The following RIMS1 variants were observed in gnomAD, a reference collection of about 807,000 sequenced individuals.
RIMS1 encodes regulating synaptic membrane exocytosis 1.
RIMS1 carries 83 observed loss-of-function variants against 214.1 expected under a neutral mutation model. The observed-to-expected ratio is 0.39, with a 90% CI of 0.32 to 0.47. The LOEUF (loss-of-function observed/expected upper bound fraction) is 0.47. RIMS1 is among the 20% of genes least tolerant of loss of function. The pLI, the probability that RIMS1 is intolerant of heterozygous loss-of-function variation, is 0.99. For synonymous variants in RIMS1, 793 were observed against 786.8 expected, an observed-to-expected ratio of 1.01 and a Z score of -0.13; for missense variants, 2,050 against 2,161.8, an observed-to-expected ratio of 0.95 and a Z score of 1.03.
chr6:72,202,994 T>C (rs1294251984), intron 6 of RIMS1, among the ~76,000 whole-genome samples: 1 of 152,156 alleles, frequency 6.6e-6, no homozygotes, highest in Non-Finnish European at 1.5e-5. Context: ...TCTTTTTTTA[T>C]TTTTTATTTT....
At position 72,258,240 on chromosome 6, in the gene RIMS1, G is replaced by A. The variant is rs368100763; in HGVS notation, c.2886G>A (p.Gln962=). 1.2e-6 allele frequency: 2 copies of A among 1,613,430 alleles called. No homozygotes were observed. Among genetic ancestry groups the A allele is most frequent in the East Asian group, 2.2e-5 (1 of 44,846 alleles). Residue 962 remains glutamine (Q), a synonymous_variant, in exon 17 of 34, where the codon CAG becomes CAA. Transcript: ENST00000521978. ...RSVSPHRGND[Q]GKPRSRLPNV... ...TATCTCCTCATCGCGGCAATGATCA[G>A]GGAAAGCCGCGTTCACGTTTACCAA...
intron 2 of RIMS1, among the ~76,000 whole-genome samples, chr6:72,015,088 T>A (rs1163014018): frequency 6.6e-6 from 1 of 152,222 alleles, no homozygotes; most frequent in Non-Finnish European, 1.5e-5. Context: ...GACAAGGAGA[T>A]ACCTTGGGGA....
intron 23 of RIMS1, among the ~76,000 whole-genome samples, chr6:72,278,870 G>A (rs2088313866): frequency 6.6e-6 from 1 of 151,846 alleles, no homozygotes; most frequent in Non-Finnish European, 1.5e-5. Flanking sequence ...GAGTAAATAG[G>A]GTGATAGAGA....
At chr6:72,227,990 C>T (rs990509599) in intron 6 of RIMS1, among the ~76,000 whole-genome samples, 2 of 151,836 alleles carry the variant, frequency 1.3e-5, no homozygotes, top group Non-Finnish European at 2.9e-5. Context: ...AACCACTTCA[C>T]TGAGGTATAT....
intron 29 of RIMS1, among the ~76,000 whole-genome samples, chr6:72,347,530 T>C (rs1002511856): frequency 3.3e-5 from 5 of 151,850 alleles, no homozygotes; most frequent in African/African-American, 9.7e-5. Context: ...CCACAGATAT[T>C]GTGCACATGT....
At chr6:72,258,021 C>A (rs1333616873) in intron 16 of RIMS1, 104 bp from the exon 17 acceptor site, 2 of 1,033,936 alleles carry the variant, frequency 1.9e-6, no homozygotes, top group Non-Finnish European at 2.8e-6. Flanking sequence ...GACATTTATT[C>A]TTCATAGATC....
intron 24 of RIMS1, among the ~76,000 whole-genome samples, chr6:72,288,843 G>A (rs1004328088): frequency 2.0e-5 from 3 of 151,886 alleles, no homozygotes; most frequent in Non-Finnish European, 4.4e-5. Flanking sequence ...AGTGGCTGGG[G>A]GCAGGAACTC....
chr6:71,968,879 A>T (rs1434047661), intron 1 of RIMS1, 104 bp from the exon 2 acceptor site: 1 of 1,194,406 alleles, frequency 8.4e-7, no homozygotes, highest in Non-Finnish European at 1.2e-6. Flanking sequence ...GGGGCTTTCA[A>T]AGACTTTCCC....
chr6:72,253,568 TAAG>T (rs918399974), intron 16 of RIMS1, among the ~76,000 whole-genome samples: 32 of 152,198 alleles, frequency 2.1e-4, no homozygotes, highest in African/African-American at 7.0e-4. Context: ...AATATGCAAA[TAAG>T]AAGAAATGAA....
chr6:71,910,948 A>C (rs1307455318), intron 1 of RIMS1, among the ~76,000 whole-genome samples: 1 of 152,180 alleles, frequency 6.6e-6, no homozygotes, highest in Non-Finnish European at 1.5e-5. Context: ...GATTGAAGGA[A>C]GATAAAGGGA....
intron 2 of RIMS1, among the ~76,000 whole-genome samples, chr6:71,978,768 C>T (rs908570897): frequency 5.9e-5 from 9 of 152,024 alleles, no homozygotes; most frequent in African/African-American, 2.2e-4. Context: ...TTTAATGTCA[C>T]AGGCTATAGT....
chr6:72,195,863 A>C (rs2050771732), intron 6 of RIMS1, among the ~76,000 whole-genome samples: 1 of 152,136 alleles, frequency 6.6e-6, no homozygotes, highest in South Asian at 2.1e-4. Flanking sequence ...ACTTAGAATC[A>C]TGATGGAAGG....
chr6:72,359,209 T>C (rs1036309156), intron 29 of RIMS1, among the ~76,000 whole-genome samples: 6 of 152,194 alleles, frequency 3.9e-5, no homozygotes, highest in Non-Finnish European at 7.3e-5. Context: ...GGCTGCAAGA[T>C]GGTGGATCCT....
intron 33 of RIMS1, among the ~76,000 whole-genome samples, chr6:72,399,488 T>G (rs2154459297): frequency 6.6e-6 from 1 of 151,910 alleles, no homozygotes; most frequent in East Asian, 1.9e-4. Context: ...TTAATAATAG[T>G]TGGTTGAGCA....
chr6:72,142,367 A>G (rs1232339809), intron 4 of RIMS1, among the ~76,000 whole-genome samples: 1 of 152,042 alleles, frequency 6.6e-6, no homozygotes, highest in Non-Finnish European at 1.5e-5. Flanking sequence ...GTATTTTGTT[A>G]TTATTTTAAA....
chr6:72,375,950 T>C (rs919641555), intron 29 of RIMS1, among the ~76,000 whole-genome samples: 7 of 152,226 alleles, frequency 4.6e-5, no homozygotes, highest in Non-Finnish European at 8.8e-5. Flanking sequence ...TCTGACCACA[T>C]TCTTGCCTCT....
chr6:72,338,855 G>C (rs1425398163), intron 29 of RIMS1, among the ~76,000 whole-genome samples: 4 of 112,304 alleles, frequency 3.6e-5, no homozygotes, highest in African/African-American at 1.1e-4. Context: ...TGTGAAGAGA[G>C]AGAGAGAGAG....
chr6:72,157,177 G>C lies in RIMS1; in HGVS notation c.472-22398G>C, dbSNP rs1181615176. Among the ~76,000 whole-genome samples the C allele has an allele frequency of 1.4e-5, 2 of 140,478 alleles. 1 individual carries two copies. Among genetic ancestry groups the C allele is most frequent in the Admixed American group, 1.5e-4 (2 of 13,704 alleles). The allele number at this position is 140,478 out of a possible 152,430, so 92.2% of individuals were successfully genotyped here. A position where few individuals can be genotyped will look rare whatever the true frequency, so the allele number is the denominator to read the frequency against. The stretch of plus-strand genomic sequence containing the variant: ...TTTTAGACTCTCTTTATACAATTCT[G>C]GAAAACCTTTTCGGGATTTATGTGT... On this transcript the variant is annotated intron_variant, in intron 4 of 33. Transcript: ENST00000521978.
At chr6:72,236,160 T>C (rs759570263) in intron 8 of RIMS1, among the ~76,000 whole-genome samples, 1 of 152,178 alleles carries the variant, frequency 6.6e-6, no homozygotes, top group Admixed American at 6.6e-5. Context: ...CCACTAAGAA[T>C]TGTGGATGAA....
Sources: allele counts gnomAD v4.1 joint callset (sites outside exome capture counted in the v4.1 genomes callset), GRCh38; gene constraint gnomAD v4.1.1; transcripts MANE v1.5; gene names NCBI Gene and HGNC (gene_info 2026-07-23, HGNC 2026-07-21).